Variants in AMOTL1 observed in about 807,000 individuals in gnomAD.
AMOTL1 encodes angiomotin like 1, also known as angiomotin-like protein 1.
AMOTL1 carries 45 observed loss-of-function variants against 102.9 expected under a neutral mutation model. That is an observed-to-expected ratio of 0.44 (90% confidence interval 0.34 to 0.56). The LOEUF is 0.56. AMOTL1 is among the 20% of genes least tolerant of loss of function. AMOTL1 has a pLI of 0.01. For synonymous variants in AMOTL1, 481 were observed against 484.7 expected (o/e 0.99, Z 0.10); for missense variants, 1,114 against 1,225.6 (o/e 0.91, Z 1.36).
chr11:94,853,965 T>A lies in AMOTL1; in HGVS notation c.1827T>A (p.Val609=), dbSNP rs1952603410. The A allele has an allele frequency of 6.2e-7, 1 of 1,608,334 alleles. No homozygotes were observed. The highest frequency in any genetic ancestry group is 1.7e-5 in the Admixed American group (1 of 59,266). ...LREKQAYVEK[V]EKLQQALTQL... is the part of the protein sequence containing the mutation. ...AGAAGCAAGCATATGTTGAGAAAGTTGAGAAGCTGCAGCAGGCCCTGACCC... is the reference window on the plus strand; with the variant it reads ...AGAAGCAAGCATATGTTGAGAAAGTAGAGAAGCTGCAGCAGGCCCTGACCC... The change falls in exon 8 of 13, where the codon GTT becomes GTA. Residue 609 remains valine, a synonymous_variant. Coordinates refer to ENST00000433060, the MANE Select transcript of AMOTL1 (RefSeq NM_130847.3).
intron 2 of AMOTL1, chr11:94,797,045 A>G: frequency 2.0e-6 from 2 of 980,424 alleles, no homozygotes; most frequent in Non-Finnish European, 1.2e-6. Context: ...TGACACTTCT[A>G]TCTGGATGAC....
rs1004184983 is a variant in AMOTL1 at position 94,872,722 on chromosome 11, A to G, written c.*1927A>G. On this transcript the variant is annotated 3_prime_UTR_variant, in exon 13 of 13. Transcript: ENST00000433060. ...CTAGTCTCACACTGAGCATCGGAGT[A>G]CCTGTTGTGCAGACAGGAAAACTGA... The G allele has an allele frequency of 1.3e-5, 2 of 152,226 alleles. No homozygotes were observed. Among genetic ancestry groups the G allele is most frequent in the African/African-American group, 4.8e-5 (2 of 41,432 alleles). The allele number at this position is 152,226 out of a possible 1,614,324, so 9.4% of individuals were successfully genotyped here.
chr11:94,857,137 C>T (rs1952684587), intron 8 of AMOTL1, among the ~76,000 whole-genome samples: 2 of 152,218 alleles, frequency 1.3e-5, no homozygotes, highest in Non-Finnish European at 2.9e-5. Flanking sequence ...TGAGCCTCAA[C>T]TTCCTTGTCT....
At chr11:94,767,966 T>A (rs1247635272), upstream of AMOTL1, among the ~76,000 whole-genome samples, 2 of 152,078 alleles carry the variant, frequency 1.3e-5, no homozygotes, top group African/African-American at 2.4e-5. Flanking sequence ...ACCTGGAAAT[T>A]CCACTTAAGA....
intron 6 of AMOTL1, among the ~76,000 whole-genome samples, chr11:94,846,868 A>C (rs1379292925): frequency 6.6e-6 from 1 of 152,242 alleles, no homozygotes; most frequent in Non-Finnish European, 1.5e-5. Context: ...TACCTCATAC[A>C]GTAAACTTAG....
Position 94,760,731 on chromosome 11 carries a change from A to G in AMOTL1, c.136+19743A>G, listed in dbSNP as rs551200968. ...TGCACATAGGCTAGTTTGTAATTGT[A>G]GACTTCTTTATATGTTTTAGTAAGA... On this transcript the variant is annotated intron_variant, in intron 3 of 4. Coordinates refer to the AMOTL1 transcript ENST00000299004. 2.6e-5 allele frequency among the ~76,000 whole-genome samples: 4 copies of G among 152,232 alleles called. No individual in the cohort carries two copies. In the East Asian group the frequency reaches 5.8e-4, roughly 22 times the overall value.
At chr11:94,709,428 G>A (rs373023602) in intron 1 of AMOTL1, among the ~76,000 whole-genome samples, 1 of 152,140 alleles carries the variant, frequency 6.6e-6, no homozygotes, top group East Asian at 1.9e-4. Flanking sequence ...TCCCACCATG[G>A]CTTCCAAAAT....
intron 11 of AMOTL1, 90 bp from the exon 12 acceptor site, chr11:94,869,108 A>T (rs1565389898): frequency 7.3e-7 from 1 of 1,362,696 alleles, no homozygotes; most frequent in Non-Finnish European, 9.7e-7. Flanking sequence ...TGAAGCAATC[A>T]TCAATCAACA....
chr11:94,859,519 C>T lies in AMOTL1; in HGVS notation c.1945-6C>T, dbSNP rs367781663. On this transcript the variant is annotated splice_region_variant and splice_polypyrimidine_tract_variant and intron_variant, in intron 8 of 12. Coordinates refer to ENST00000433060, the MANE Select transcript of AMOTL1 (RefSeq NM_130847.3). ...GAGCATCAAGATTTTTTTTCTACTC[C>T]TTCAGAAACATGGAAATGGCCAGCC... The T allele has an allele frequency of 7.8e-4, 1,258 of 1,607,880 alleles. 1 individual carries two copies. Among genetic ancestry groups the T allele is most frequent in the Middle Eastern group, 1.2e-3 (7 of 6,024 alleles).
chr11:94,727,802 T>C (rs1361612584), intron 1 of AMOTL1, among the ~76,000 whole-genome samples: 3 of 152,204 alleles, frequency 2.0e-5, no homozygotes, highest in African/African-American at 7.2e-5. Context: ...AGAGAAGCAG[T>C]ACCCAATAAA....
intron 1 of AMOTL1, among the ~76,000 whole-genome samples, chr11:94,716,318 T>C (rs1950098440): frequency 6.6e-6 from 1 of 152,184 alleles, no homozygotes; most frequent in Non-Finnish European, 1.5e-5. Context: ...TTTCAGATAA[T>C]TCCAACATCT....
chr11:94,797,331 G>A (rs1212796639), intron 2 of AMOTL1, among the ~76,000 whole-genome samples: 1 of 152,164 alleles, frequency 6.6e-6, no homozygotes, highest in African/African-American at 2.4e-5. Flanking sequence ...TATCCTTAAT[G>A]CACTACTTAA....
At chr11:94,728,900 T>C (rs1435668130) in intron 1 of AMOTL1, 1 of 1,124,568 alleles carries the variant, frequency 8.9e-7, no homozygotes, top group Non-Finnish European at 1.2e-6. Flanking sequence ...ATCCCTTTTT[T>C]ATATTCATTA....
At chr11:94,836,825 T>C (rs1375652236) in intron 6 of AMOTL1, among the ~76,000 whole-genome samples, 1 of 150,798 alleles carries the variant, frequency 6.6e-6, no homozygotes, top group Admixed American at 6.7e-5. Context: ...TTAAGAACAA[T>C]AGTATTTCTC....
chr11:94,799,599 A>G lies in AMOTL1; in HGVS notation c.409A>G (p.Asn137Asp). ...GSAGPAHPTN[N>D]FSSTENLTQE... ...TGCAGGACCAGCCCATCCTACAAAC[A>G]ACTTTTCTTCCACGGAAAACCTCAC... Residue 137 changes from asparagine (N) to aspartate (D), a missense_variant, in exon 3 of 13, where the codon AAC becomes GAC. By Grantham distance (23) the Asn-to-Asp change is conservative. Coordinates refer to ENST00000433060, the MANE Select transcript of AMOTL1 (RefSeq NM_130847.3). The surrounding 1 kb of genome is among the most constrained non-coding windows in gnomAD (Gnocchi z 4.5). 6.2e-7 allele frequency: 1 copy of G among 1,613,856 alleles called. No individual in the cohort carries two copies. Among genetic ancestry groups the G allele is most frequent in the Non-Finnish European group, 8.5e-7 (1 of 1,179,858 alleles).
At chr11:94,794,568 C>T (rs1951333582) in intron 1 of AMOTL1, among the ~76,000 whole-genome samples, 1 of 152,222 alleles carries the variant, frequency 6.6e-6, no homozygotes, top group African/African-American at 2.4e-5. Context: ...AATGACCACT[C>T]CTTTCTGTAT....
intron 12 of AMOTL1, 142 bp downstream of exon 12, chr11:94,869,615 A>G: frequency 1.0e-6 from 1 of 964,086 alleles, no homozygotes; most frequent in Non-Finnish European, 1.5e-6. Context: ...CACTTAGGAT[A>G]TGTGTGCCCT....
At chr11:94,814,917 C>T (rs890960604) in intron 3 of AMOTL1, among the ~76,000 whole-genome samples, 1 of 152,112 alleles carries the variant, frequency 6.6e-6, no homozygotes, top group Non-Finnish European at 1.5e-5. Flanking sequence ...ATCATTGTAT[C>T]CCACACCCCC....
chr11:94,749,860 T>C (rs1950630755), intron 3 of AMOTL1, among the ~76,000 whole-genome samples: 1 of 152,204 alleles, frequency 6.6e-6, no homozygotes. Context: ...GGCATATAAG[T>C]TAAATAATAC....
Sources: gnomAD v4.1 joint callset for allele counts (sites outside exome capture counted in the v4.1 genomes callset) on GRCh38, gnomAD v4.1.1 for gene constraint, Gnocchi (gnomAD v3.1) non-coding constraint, MANE v1.5 for transcripts, NCBI Gene and HGNC (gene_info 2026-07-23, HGNC 2026-07-21) for gene names.